FRY: variants seen among roughly 807,000 people sequenced by gnomAD.
The protein encoded by FRY is FRY microtubule binding protein.
A neutral mutation model predicts 348.4 loss-of-function variants in FRY; 128 were observed. The observed-to-expected ratio is 0.37, with a 90% confidence interval of 0.32 to 0.43. The LOEUF is 0.43. Among genes scored for constraint, FRY ranks in the 20% least tolerant of loss-of-function variants. The pLI is 1.00. For synonymous variants in FRY, 1,370 were observed against 1,374.7 expected, an observed-to-expected ratio of 1.00 and a Z score of 0.08; for missense variants, 2,736 against 3,695.2, an observed-to-expected ratio of 0.74 and a Z score of 6.73.
At chr13:32,242,764 A>T (rs1886586240) in intron 46 of FRY, among the ~76,000 whole-genome samples, 1 of 151,836 alleles carries the variant, frequency 6.6e-6, no homozygotes, top group South Asian at 2.1e-4. Flanking sequence ...TGTACTCCTG[A>T]CCTCAGGTGA....
Position 32,237,269 on chromosome 13 carries a change from AT to A in FRY, c.5811-107del. 9.4e-7 allele frequency: 1 copy of A among 1,061,166 alleles called. No individual in the cohort carries two copies. Among genetic ancestry groups the A allele is most frequent in the South Asian group, 1.3e-5 (1 of 74,396 alleles). The allele number at this position is 1,061,166 out of a possible 1,614,324, so 65.7% of individuals were successfully genotyped here. A position where few individuals can be genotyped will look rare whatever the true frequency, so the allele number is the denominator to read the frequency against. Reference sequence around the variant, plus strand: ...GAAAAATAAATGAATAGAAAGTGGCATTTCTAAAGAATGATTTCCCTCCTGC... The same window carrying A: ...GAAAAATAAATGAATAGAAAGTGGCATTCTAAAGAATGATTTCCCTCCTGC... On this transcript the variant is annotated intron_variant, in intron 43 of 60. Coordinates refer to ENST00000542859, the MANE Select transcript of FRY (RefSeq NM_023037.3). The surrounding 1 kb of genome is among the most constrained non-coding windows in gnomAD (Gnocchi z 6.3).
chr13:32,059,011 A>T (rs1315339116), intron 1 of FRY, among the ~76,000 whole-genome samples: 1 of 152,190 alleles, frequency 6.6e-6, no homozygotes, highest in East Asian at 1.9e-4. Flanking sequence ...TGCTTACCTT[A>T]TAAGGTTACT....
chr13:32,287,908 C>T (rs1889156736), intron 58 of FRY: 2 of 1,302,962 alleles, frequency 1.5e-6, no homozygotes, highest in Admixed American at 2.0e-5. Context: ...CTTTCATACT[C>T]TTTGTCCATT....
chr13:32,212,450 A>G, intron 35 of FRY, 68 bp downstream of exon 35: 1 of 944,462 alleles, frequency 1.1e-6, no homozygotes, highest in Non-Finnish European at 1.7e-6. Context: ...AGACATCAAT[A>G]CAGGTTTGTG....
At position 32,231,403 on chromosome 13, in the gene FRY, C is replaced by T. The variant is rs980250144; in HGVS notation, c.5527+103C>T. ...CGCCTTAAAACGGTCCTGCACTCCA[C>T]ATCCATAGCACGAGCATATTCACAG... On this transcript the variant is annotated intron_variant, in intron 41 of 60. Transcript: ENST00000542859. 5.4e-6 allele frequency: 6 copies of T among 1,108,116 alleles called. No individual in the cohort carries two copies. In the African/African-American group the frequency reaches 9.2e-5, roughly 17 times the overall value. 68.6% of individuals were successfully genotyped at this position (1,108,116 alleles called of 1,614,324 possible).
chr13:32,220,967 T>G (rs1344802320), intron 36 of FRY, among the ~76,000 whole-genome samples: 1 of 152,180 alleles, frequency 6.6e-6, no homozygotes, highest in Non-Finnish European at 1.5e-5. Context: ...GCTTTAAATT[T>G]TTTCCAGGCT....
intron 4 of FRY, among the ~76,000 whole-genome samples, chr13:32,118,981 A>C (rs1367274959): frequency 6.6e-6 from 1 of 152,144 alleles, no homozygotes; most frequent in African/African-American, 2.4e-5. Flanking sequence ...TTTTGTCAGA[A>C]TTTAGTTGCT....
Position 32,239,776 on chromosome 13 carries a change from G to C in FRY, c.6582G>C (p.Thr2194=). The C allele has an allele frequency of 6.2e-7, 1 of 1,613,696 alleles. No individual in the cohort carries two copies. Among genetic ancestry groups the C allele is most frequent in the Non-Finnish European group, 8.5e-7 (1 of 1,179,662 alleles). The part of the protein sequence containing the change: ...NLAHVMTLYK[T]HSYTRDCATW... Reference sequence around the variant, plus strand: ...CACATGTCATGACTCTTTATAAAACGCACAGCTACACGAGGGACTGTGCCA... The same window carrying C: ...CACATGTCATGACTCTTTATAAAACCCACAGCTACACGAGGGACTGTGCCA... The change falls in exon 46 of 61, where the codon ACG becomes ACC. Residue 2194 remains threonine, a synonymous_variant. Transcript: ENST00000542859. This position sits in a 1 kb window ranked among gnomAD's most constrained non-coding sequence, Gnocchi z 4.3.
chr13:32,084,175 G>T (rs1249111364), intron 2 of FRY, among the ~76,000 whole-genome samples: 1 of 152,074 alleles, frequency 6.6e-6, no homozygotes, highest in African/African-American at 2.4e-5. Flanking sequence ...GCCAGAGTTG[G>T]CCTTTGCTCC....
In FRY at chr13:32,139,847, C is replaced by T. The variant is rs116353498; in HGVS notation, c.1179+2875C>T. On this transcript the variant is annotated intron_variant, in intron 11 of 60. Transcript: ENST00000542859. The stretch of plus-strand genomic sequence containing the variant: ...CATTCCCTTCACATCTGCCATACAA[C>T]ACCTAATTCTGACAAAAGGAAATAT... Among the ~76,000 whole-genome samples the T allele has an allele frequency of 5.4e-3, 819 of 152,190 alleles. 5 individuals carry two copies. The highest frequency in any genetic ancestry group is 0.019 in the African/African-American group (788 of 41,536).
chr13:32,078,119 C>A (rs1875223083), intron 1 of FRY, among the ~76,000 whole-genome samples: 2 of 152,202 alleles, frequency 1.3e-5, no homozygotes, highest in Non-Finnish European at 2.9e-5. Context: ...GCATTCTGAA[C>A]AGAGGCCACT....
chr13:32,211,323 G>C, intron 34 of FRY, among the ~76,000 whole-genome samples: 1 of 152,200 alleles, frequency 6.6e-6, no homozygotes, highest in East Asian at 1.9e-4. Context: ...GCCGGATGTG[G>C]TGGCACGCGC....
intron 24 of FRY, among the ~76,000 whole-genome samples, chr13:32,183,690 C>T (rs1227252066): frequency 6.8e-6 from 1 of 146,514 alleles, no homozygotes; most frequent in East Asian, 2.1e-4. Context: ...GCTGGAGAAT[C>T]ACTTGAACCT....
At chr13:32,132,933 C>T (rs927580239) in intron 8 of FRY, among the ~76,000 whole-genome samples, 10 of 152,100 alleles carry the variant, frequency 6.6e-5, no homozygotes, top group Non-Finnish European at 1.5e-4. Context: ...TGAAACCATA[C>T]ACAAAAGGCC....
At chr13:32,157,472 C>T (rs931232934) in intron 16 of FRY, 67 bp downstream of exon 16, 3 of 1,425,330 alleles carry the variant, frequency 2.1e-6, no homozygotes, top group Non-Finnish European at 3.0e-6. Context: ...AGAGTATTCT[C>T]ATTTATTCTG....
chr13:32,226,518 G>A (rs763282270), intron 39 of FRY, among the ~76,000 whole-genome samples: 1 of 152,192 alleles, frequency 6.6e-6, no homozygotes, highest in Non-Finnish European at 1.5e-5. Context: ...CATTAACTGA[G>A]ACAAAGAAAT....
chr13:32,178,274 A>G lies in FRY; in HGVS notation c.2519A>G (p.His840Arg), dbSNP rs1320599268. 1 of 1,614,114 alleles carries G rather than the reference A, an allele frequency of 6.2e-7. No homozygotes were observed. Among genetic ancestry groups the G allele is most frequent in the Non-Finnish European group, 8.5e-7 (1 of 1,180,010 alleles). ...NSHYDVKSPS[H>R]VWIFAQSVKD... ...CATTATGATGTGAAAAGCCCTTCCC[A>G]TGTCTGGATATTTGCACAGTCTGTC... Residue 840 changes from histidine (H) to arginine (R), a missense_variant, in exon 21 of 61, where the codon CAT (histidine) becomes CGT (arginine). By Grantham distance (29) the His-to-Arg change is conservative (BLOSUM62 0). Transcript: ENST00000542859.
chr13:32,147,064 A>C (rs1346074814), intron 11 of FRY, among the ~76,000 whole-genome samples: 1 of 152,166 alleles, frequency 6.6e-6, no homozygotes, highest in African/African-American at 2.4e-5. Context: ...CCCCAGAATT[A>C]ATCTGTCCCA....
chr13:32,289,628 T>A lies in FRY; in HGVS notation c.8470-5T>A. 2.0e-6 allele frequency: 3 copies of A among 1,520,894 alleles called. No homozygotes were observed. In the South Asian group the frequency reaches 3.4e-5, roughly 17 times the overall value. The allele number at this position is 1,520,894 out of a possible 1,614,324, so 94.2% of individuals were successfully genotyped here. ...TGTTTCTTCCCATGCAATTTCTCTC[T>A]TTAGCAATTGGAACTGTGTCAGAGA... is the stretch of plus-strand genomic sequence containing the variant. On this transcript the variant is annotated splice_region_variant and splice_polypyrimidine_tract_variant and intron_variant, in intron 58 of 60. Transcript: ENST00000542859.
Sources: allele counts gnomAD v4.1 joint callset (sites outside exome capture counted in the v4.1 genomes callset), GRCh38; gene constraint gnomAD v4.1.1; non-coding constraint Gnocchi (gnomAD v3.1); transcripts MANE v1.5; gene names NCBI Gene and HGNC (gene_info 2026-07-23, HGNC 2026-07-21).